Variants in ROBO1 observed in about 807,000 individuals in gnomAD.
ROBO1 encodes roundabout guidance receptor 1, also known as roundabout homolog 1.
ROBO1 carries 149 observed loss-of-function variants against 195.9 expected under a neutral mutation model. That is an observed-to-expected ratio of 0.76 (90% CI 0.67 to 0.87). The LOEUF is 0.87. ROBO1 is among the 40% of genes least tolerant of loss of function. The pLI, the probability that ROBO1 is intolerant of heterozygous loss-of-function variation, is 0.00. For synonymous variants in ROBO1, 816 were observed against 733.2 expected (o/e 1.11, Z -1.82); for missense variants, 1,933 against 2,068.3 (o/e 0.93, Z 1.27).
intron 2 of ROBO1, among the ~76,000 whole-genome samples, chr3:79,159,010 T>C (rs977543705): frequency 6.6e-6 from 1 of 151,994 alleles, no homozygotes; most frequent in African/African-American, 2.4e-5. Flanking sequence ...TAAAGTGGAA[T>C]TGAAAATGAA....
In ROBO1 at chr3:79,146,076, T is replaced by C. The variant is rs551042035; in HGVS notation, c.89-20537A>G. On this transcript the variant is annotated intron_variant, in intron 2 of 30. Coordinates refer to ENST00000464233, the MANE Select transcript of ROBO1 (RefSeq NM_002941.4). ...TCTACTTAAATCTACTTAAATTGCC[T>C]GAGAAATTTTCATAGGCTATTTCTA... is the stretch of plus-strand genomic sequence containing the variant. Among the ~76,000 whole-genome samples the C allele has an allele frequency of 5.3e-4, 81 of 151,450 alleles. 1 individual carries two copies. The highest frequency in any genetic ancestry group is 1.8e-3 in the African/African-American group (73 of 41,316).
At chr3:79,636,937 ATCT>A (rs1036495702) in intron 1 of ROBO1, among the ~76,000 whole-genome samples, 4 of 152,230 alleles carry the variant, frequency 2.6e-5, no homozygotes, top group African/African-American at 9.6e-5. Flanking sequence ...ACCAAACATT[ATCT>A]TCTTATGAAA....
chr3:79,242,486 C>T (rs950114469), intron 2 of ROBO1, among the ~76,000 whole-genome samples: 5 of 152,052 alleles, frequency 3.3e-5, no homozygotes, highest in Non-Finnish European at 7.4e-5. Context: ...TCAGAGGAAA[C>T]ACCAACTCAA....
chr3:78,731,633 A>G (rs2082289078), intron 5 of ROBO1, among the ~76,000 whole-genome samples: 1 of 152,104 alleles, frequency 6.6e-6, no homozygotes, highest in Non-Finnish European at 1.5e-5. Flanking sequence ...TCTCTTCTGA[A>G]AAAAAATGCT....
chr3:79,113,509 T>C (rs1169388628), intron 3 of ROBO1, among the ~76,000 whole-genome samples: 1 of 152,122 alleles, frequency 6.6e-6, no homozygotes, highest in East Asian at 1.9e-4. Flanking sequence ...GGCTCACGCT[T>C]GTAATCCCAG....
intron 2 of ROBO1, among the ~76,000 whole-genome samples, chr3:79,233,808 C>G (rs541340352): frequency 6.6e-6 from 1 of 152,256 alleles, no homozygotes; most frequent in Admixed American, 6.5e-5. Flanking sequence ...TTACCACCAA[C>G]AGTATATATG....
At chr3:79,637,235 G>A (rs1007673205) in intron 1 of ROBO1, among the ~76,000 whole-genome samples, 16 of 152,100 alleles carry the variant, frequency 1.1e-4, no homozygotes, top group African/African-American at 3.6e-4. Flanking sequence ...CTTTGCAAAT[G>A]TATGCACATA....
intron 4 of ROBO1, among the ~76,000 whole-genome samples, chr3:78,903,953 T>C (rs1374722060): frequency 6.6e-6 from 1 of 151,996 alleles, no homozygotes; most frequent in Non-Finnish European, 1.5e-5. Flanking sequence ...TCTCCTGATC[T>C]ACAAAATAGA....
At chr3:79,142,404 TA>T (rs983475306) in intron 2 of ROBO1, among the ~76,000 whole-genome samples, 11 of 152,276 alleles carry the variant, frequency 7.2e-5, no homozygotes, top group African/African-American at 2.6e-4. Flanking sequence ...GAGATGTGAC[TA>T]AAGTTGTTGA....
intron 10 of ROBO1, among the ~76,000 whole-genome samples, chr3:78,684,811 G>A (rs1039135226): frequency 7.2e-5 from 11 of 152,140 alleles, no homozygotes; most frequent in South Asian, 2.1e-4. Flanking sequence ...ATTATCAGAC[G>A]TTTTAAAAGA....
intron 2 of ROBO1, among the ~76,000 whole-genome samples, chr3:79,411,343 T>G (rs1344099743): frequency 6.6e-6 from 1 of 152,150 alleles, no homozygotes; most frequent in Non-Finnish European, 1.5e-5. Flanking sequence ...ACAGACATAT[T>G]TAATGATCAA....
At chr3:78,604,398 G>A (rs538592899) in intron 29 of ROBO1, among the ~76,000 whole-genome samples, 1 of 152,206 alleles carries the variant, frequency 6.6e-6, no homozygotes, top group Non-Finnish European at 1.5e-5. Context: ...TTATAAGCAG[G>A]AATTGCTCCA....
intron 3 of ROBO1, among the ~76,000 whole-genome samples, chr3:79,008,938 T>G (rs1301161071): frequency 1.5e-3 from 212 of 142,354 alleles, no homozygotes; most frequent in South Asian, 3.9e-3. Context: ...TGTATGGTTT[T>G]GTTTTGTTTT....
intron 4 of ROBO1, among the ~76,000 whole-genome samples, chr3:78,911,978 A>T (rs2038271734): frequency 1.3e-5 from 2 of 152,064 alleles, no homozygotes; most frequent in African/African-American, 4.8e-5. Flanking sequence ...GAGAAGAAAT[A>T]TTTTTTAAAA....
intron 5 of ROBO1, among the ~76,000 whole-genome samples, chr3:78,721,444 T>C (rs1194234213): frequency 6.6e-6 from 1 of 152,178 alleles, no homozygotes; most frequent in Non-Finnish European, 1.5e-5. Context: ...TAACTTTGGA[T>C]AGCACGCCGA....
chr3:79,198,177 CA>C (rs2081680268), intron 2 of ROBO1, among the ~76,000 whole-genome samples: 1 of 152,046 alleles, frequency 6.6e-6, no homozygotes. Flanking sequence ...TTAGGTCTTA[CA>C]TTAAAGTCTT....
chr3:79,273,926 T>C (rs769715172), intron 2 of ROBO1, among the ~76,000 whole-genome samples: 1 of 151,964 alleles, frequency 6.6e-6, no homozygotes, highest in African/African-American at 2.4e-5. Flanking sequence ...AGAAGATCAT[T>C]ATCTAATAAT....
At chr3:79,482,260 T>C (rs751740448) in intron 2 of ROBO1, among the ~76,000 whole-genome samples, 1 of 152,156 alleles carries the variant, frequency 6.6e-6, no homozygotes, top group Non-Finnish European at 1.5e-5. Flanking sequence ...AGAAACTTAA[T>C]ATTTGTTTGG....
chr3:79,385,631 C>T (rs2036715386), intron 2 of ROBO1, among the ~76,000 whole-genome samples: 1 of 152,068 alleles, frequency 6.6e-6, no homozygotes. Flanking sequence ...TTGCTAACAC[C>T]CCTAGGCTGA....
Sources: gnomAD v4.1 joint callset for allele counts (sites outside exome capture counted in the v4.1 genomes callset) on GRCh38, gnomAD v4.1.1 for gene constraint, MANE v1.5 for transcripts, NCBI Gene and HGNC (gene_info 2026-07-23, HGNC 2026-07-21) for gene names.